ATP8B4: variants seen among roughly 807,000 people sequenced by gnomAD.
The protein encoded by ATP8B4 is ATPase phospholipid transporting 8B4 (putative), also known as probable phospholipid-transporting ATPase IM.
Under a neutral mutation model 145.6 loss-of-function variants are expected in ATP8B4, and 133 were observed. The observed-to-expected ratio is 0.91, with a 90% CI of 0.79 to 1.05. The LOEUF (loss-of-function observed/expected upper bound fraction) is 1.05. Ranked by LOEUF, ATP8B4 falls within the 50% of genes least tolerant of loss-of-function variation. ATP8B4 has a pLI of 0.00. For synonymous variants in ATP8B4, 507 were observed against 492.9 expected (o/e 1.03, Z -0.38); for missense variants, 1,458 against 1,425.2 (o/e 1.02, Z -0.37).
intron 23 of ATP8B4, among the ~76,000 whole-genome samples, chr15:49,881,112 AAAAC>A (rs144894060): frequency 0.25 from 37,615 of 149,390 alleles, 5,522 homozygotes; most frequent in Middle Eastern, 0.35. Flanking sequence ...ACTCCGTCTC[AAAAC>A]AAACAAACAA....
intron 17 of ATP8B4, among the ~76,000 whole-genome samples, chr15:49,921,320 T>C (rs1038837849): frequency 4.6e-5 from 7 of 152,242 alleles, no homozygotes; most frequent in African/African-American, 1.7e-4. Flanking sequence ...AGCTATATTC[T>C]ATGAAGTTAG....
At chr15:50,032,007 C>T (rs1371509624) in intron 6 of ATP8B4, among the ~76,000 whole-genome samples, 1 of 152,110 alleles carries the variant, frequency 6.6e-6, no homozygotes, top group Non-Finnish European at 1.5e-5. Flanking sequence ...ATGTATTATA[C>T]TTTTTGATTC....
At chr15:49,950,627 ACAACAAC>A (rs2043016473) in intron 14 of ATP8B4, among the ~76,000 whole-genome samples, 1 of 137,768 alleles carries the variant, frequency 7.3e-6, no homozygotes, top group African/African-American at 2.6e-5. Flanking sequence ...AACAAAAAAA[ACAACAAC>A]AACAACAAAA....
chr15:49,974,516 C>A (rs1179018093), intron 12 of ATP8B4, among the ~76,000 whole-genome samples: 1 of 151,906 alleles, frequency 6.6e-6, no homozygotes, highest in Non-Finnish European at 1.5e-5. Context: ...TGCACCACCA[C>A]AGCTGGCTGA....
At chr15:50,066,476 T>G (rs1287731675) in intron 3 of ATP8B4, among the ~76,000 whole-genome samples, 1 of 152,106 alleles carries the variant, frequency 6.6e-6, no homozygotes, top group African/African-American at 2.4e-5. Context: ...ATCAGCCCCA[T>G]AGGTGAGGAT....
At chr15:50,153,633 A>G (rs539300332) in intron 1 of ATP8B4, among the ~76,000 whole-genome samples, 22 of 109,858 alleles carry the variant, frequency 2.0e-4, no homozygotes, top group African/African-American at 4.2e-4. Context: ...CACTGCGCCC[A>G]GCCTAGACAC....
rs1484536893 is a variant in ATP8B4 at position 49,972,688 on chromosome 15, G to C, written c.1137C>G (p.Leu379=). 1 of 1,613,942 alleles carries C rather than the reference G, an allele frequency of 6.2e-7. No homozygotes were observed. The highest frequency in any genetic ancestry group is 1.1e-5 in the South Asian group (1 of 91,070). ...ACTCAATCTGCCCCAGTTCCTCATT[G>C]AGCGTGGTCGTTCGAGCCACTGCAG... ...AIPAVARTTT[L]NEELGQIEYI... is the part of the protein sequence containing the mutation. Residue 379 remains leucine (L), a synonymous_variant, in exon 13 of 28, where the codon CTC becomes CTG. Coordinates refer to ENST00000284509, the MANE Select transcript of ATP8B4 (RefSeq NM_024837.4).
intron 1 of ATP8B4, among the ~76,000 whole-genome samples, chr15:50,159,445 A>C (rs1011432170): frequency 6.6e-6 from 1 of 152,212 alleles, no homozygotes; most frequent in African/African-American, 2.4e-5. Context: ...GTAAACAAGT[A>C]TAATTTGACT....
chr15:50,015,001 A>C (rs2048983384), intron 6 of ATP8B4, among the ~76,000 whole-genome samples: 1 of 152,236 alleles, frequency 6.6e-6, no homozygotes. Flanking sequence ...GTCCATCAAT[A>C]GGAATTAGAT....
chr15:49,933,055 C>T (rs1387510844), intron 15 of ATP8B4, among the ~76,000 whole-genome samples: 1 of 151,850 alleles, frequency 6.6e-6, no homozygotes, highest in African/African-American at 2.4e-5. Context: ...AACATTGAAG[C>T]AAATGTAAAT....
chr15:49,962,589 C>A (rs903163185), intron 13 of ATP8B4, among the ~76,000 whole-genome samples: 1 of 152,108 alleles, frequency 6.6e-6, no homozygotes, highest in Non-Finnish European at 1.5e-5. Flanking sequence ...TATTATAGAT[C>A]TAATAGAAAA....
intron 20 of ATP8B4, among the ~76,000 whole-genome samples, chr15:49,905,904 G>GT (rs2038564371): frequency 6.6e-6 from 1 of 152,052 alleles, no homozygotes; most frequent in South Asian, 2.1e-4. Context: ...AGGCAAGGAG[G>GT]TAAGGAGGTG....
chr15:49,892,324 C>A (rs190946243), intron 23 of ATP8B4, among the ~76,000 whole-genome samples: 1 of 151,814 alleles, frequency 6.6e-6, no homozygotes. Context: ...TATTCACATA[C>A]AAATATTTTT....
At chr15:49,878,135 G>C (rs559082845) in intron 24 of ATP8B4, among the ~76,000 whole-genome samples, 2 of 152,124 alleles carry the variant, frequency 1.3e-5, no homozygotes, top group South Asian at 4.1e-4. Flanking sequence ...TATTTTTTTT[G>C]AATTGCACAA....
intron 25 of ATP8B4, among the ~76,000 whole-genome samples, chr15:49,873,919 C>G (rs544203654): frequency 6.6e-6 from 1 of 152,318 alleles, no homozygotes; most frequent in African/African-American, 2.4e-5. Context: ...AAACTTTGGG[C>G]ACATTTGAAA....
chr15:50,091,139 A>G (rs998873564), intron 2 of ATP8B4, among the ~76,000 whole-genome samples: 1 of 152,168 alleles, frequency 6.6e-6, no homozygotes, highest in African/African-American at 2.4e-5. Context: ...TTTAAAAATT[A>G]TAATTATTTT....
At chr15:50,173,499 A>G (rs1460194155) in intron 1 of ATP8B4, among the ~76,000 whole-genome samples, 1 of 152,142 alleles carries the variant, frequency 6.6e-6, no homozygotes, top group Non-Finnish European at 1.5e-5. Context: ...AAGGCAGCAT[A>G]CTGGTTAAGA....
intron 6 of ATP8B4, among the ~76,000 whole-genome samples, chr15:50,034,838 C>T (rs1367738547): frequency 2.0e-5 from 3 of 152,188 alleles, no homozygotes; most frequent in Non-Finnish European, 4.4e-5. Flanking sequence ...CCCAGTTGCT[C>T]CCACGGTGGC....
At chr15:50,023,779 C>CAAAAAAAAAAAAAAAAA (rs60030651) in intron 6 of ATP8B4, among the ~76,000 whole-genome samples, 4 of 75,048 alleles carry the variant, frequency 5.3e-5, no homozygotes, top group Non-Finnish European at 7.6e-5. Context: ...AGACCAAAGG[C>CAAAAAAAAAAAAAAAAA]AAAAAAAAAA....
Sources: allele counts gnomAD v4.1 joint callset (sites outside exome capture counted in the v4.1 genomes callset), GRCh38; gene constraint gnomAD v4.1.1; transcripts MANE v1.5; gene names NCBI Gene and HGNC (gene_info 2026-07-23, HGNC 2026-07-21).